Variants in BCKDHB observed in about 807,000 individuals in gnomAD.
BCKDHB encodes the protein 2-oxoisovalerate dehydrogenase subunit beta, mitochondrial.
A neutral mutation model predicts 48.5 loss-of-function variants in BCKDHB; 41 were observed. The ratio of observed to expected loss-of-function variants is 0.85; its 90% CI spans 0.66 to 1.10. BCKDHB has a LOEUF of 1.10. BCKDHB is among the 50% of genes least tolerant of loss of function. The probability of loss-of-function intolerance (pLI) is 0.00; values close to 1 mark genes in which losing one functional copy is unlikely to be tolerated. For missense variants in BCKDHB, 496 were observed against 494.2 expected (o/e 1.00, Z -0.03); for synonymous variants, 201 against 174.8 (o/e 1.15, Z -1.18).
intron 8 of BCKDHB, among the ~76,000 whole-genome samples, chr6:80,253,966 CATA>C (rs1345768927): frequency 1.3e-5 from 2 of 151,614 alleles, no homozygotes; most frequent in Non-Finnish European, 2.9e-5. Flanking sequence ...AGCAACATTT[CATA>C]ATAAATTCTG....
chr6:80,356,297 A>G, the BCKDHB span: 1 of 152,208 alleles, frequency 6.6e-6, no homozygotes, highest in African/African-American at 2.4e-5. Flanking sequence ...GGAAGAACTC[A>G]TGTCCATCAG....
intron 6 of BCKDHB, among the ~76,000 whole-genome samples, chr6:80,194,190 G>T (rs1450802099): frequency 6.6e-6 from 1 of 152,092 alleles, no homozygotes; most frequent in Non-Finnish European, 1.5e-5. Context: ...AGGGAGACTT[G>T]TTAAGGTGGG....
chr6:80,381,920 C>T, the BCKDHB span, among the ~76,000 whole-genome samples: 12 of 1,146 alleles, frequency 0.01, no homozygotes, highest in Admixed American at 0.062. Flanking sequence ...AAACCTAAAA[C>T]CTAAAACGGT....
At chr6:80,331,561 A>G (rs79918896) in intron 9 of BCKDHB, among the ~76,000 whole-genome samples, 3,229 of 152,302 alleles carry the variant, frequency 0.021, 62 homozygotes, top group Non-Finnish European at 0.033. Context: ...GGGAACTTTC[A>G]TGGCCCATCA....
At chr6:80,186,588 T>G (rs1397792156) in intron 6 of BCKDHB, among the ~76,000 whole-genome samples, 3 of 152,238 alleles carry the variant, frequency 2.0e-5, no homozygotes, top group Non-Finnish European at 2.9e-5. Flanking sequence ...AAGTTATATG[T>G]GCACTTCCCA....
chr6:80,213,050 T>A (rs1775012314), intron 8 of BCKDHB, among the ~76,000 whole-genome samples: 2 of 152,212 alleles, frequency 1.3e-5, no homozygotes, highest in African/African-American at 4.8e-5. Flanking sequence ...TGGTGCTCAA[T>A]AAATACTTGC....
chr6:80,441,838 A>G, the BCKDHB span, among the ~76,000 whole-genome samples: 1 of 152,216 alleles, frequency 6.6e-6, no homozygotes, highest in African/African-American at 2.4e-5. Context: ...ATAGGAATAA[A>G]TGCTGAAGTA....
intron 9 of BCKDHB, among the ~76,000 whole-genome samples, chr6:80,276,689 T>C (rs1777980919): frequency 6.6e-6 from 1 of 151,870 alleles, no homozygotes; most frequent in African/African-American, 2.4e-5. Flanking sequence ...CTTTTTTTTT[T>C]ATAAGCCTAT....
At chr6:80,148,901 A>T (rs1771619067) in intron 3 of BCKDHB, among the ~76,000 whole-genome samples, 1 of 152,218 alleles carries the variant, frequency 6.6e-6, no homozygotes, top group East Asian at 1.9e-4. Context: ...TTCAGGACAT[A>T]GGCATGGACA....
intron 8 of BCKDHB, among the ~76,000 whole-genome samples, chr6:80,221,787 G>A (rs1489872986): frequency 2.6e-5 from 4 of 152,050 alleles, no homozygotes; most frequent in Non-Finnish European, 4.4e-5. Flanking sequence ...ACTGAGAAAT[G>A]TATCAGCAAT....
chr6:80,432,006 T>G, the BCKDHB span, among the ~76,000 whole-genome samples: 1 of 152,236 alleles, frequency 6.6e-6, no homozygotes, highest in African/African-American at 2.4e-5. Flanking sequence ...TCTTTAAGAA[T>G]GTTGAATATT....
chr6:80,267,256 T>C (rs377504308), intron 8 of BCKDHB, among the ~76,000 whole-genome samples: 8 of 152,096 alleles, frequency 5.3e-5, no homozygotes, highest in African/African-American at 1.9e-4. Flanking sequence ...AGAGAGAGAG[T>C]TGAAGCAGAG....
intron 8 of BCKDHB, among the ~76,000 whole-genome samples, chr6:80,235,670 A>C (rs1483398371): frequency 6.6e-6 from 1 of 152,180 alleles, no homozygotes; most frequent in Non-Finnish European, 1.5e-5. Flanking sequence ...CTTAGGTTCT[A>C]TAGAAATATT....
rs142994827 is a variant in BCKDHB at position 80,212,706 on chromosome 6, T to C, written c.951+9494T>C. Among the ~76,000 whole-genome samples, 187 of 152,356 alleles carry C rather than the reference T, an allele frequency of 1.2e-3. 1 individual carries two copies. Among genetic ancestry groups the C allele is most frequent in the African/African-American group, 4.4e-3 (181 of 41,582 alleles). ...AAAGTATTATTTGGGAACTGATAAA[T>C]GTCCATGAAATCTTCACAATTTATG... On this transcript the variant is annotated intron_variant, in intron 8 of 9. Transcript: ENST00000320393.
the BCKDHB span, among the ~76,000 whole-genome samples, chr6:80,438,791 G>C: frequency 1.3e-5 from 2 of 152,178 alleles, no homozygotes; most frequent in African/African-American, 4.8e-5. Context: ...ATCTGTGTTT[G>C]TTGTATTTGA....
At chr6:80,373,391 G>T in the BCKDHB span, among the ~76,000 whole-genome samples, 2 of 152,018 alleles carry the variant, frequency 1.3e-5, no homozygotes, top group Non-Finnish European at 2.9e-5. Flanking sequence ...TCTTTTCAAA[G>T]AACCAGTTTT....
chr6:80,260,901 G>A (rs1777272463), intron 8 of BCKDHB, among the ~76,000 whole-genome samples: 1 of 152,150 alleles, frequency 6.6e-6, no homozygotes, highest in Non-Finnish European at 1.5e-5. Context: ...TGCCAAAGAT[G>A]TTTCCTTAAA....
At chr6:80,395,128 T>C in the BCKDHB span, among the ~76,000 whole-genome samples, 1 of 152,202 alleles carries the variant, frequency 6.6e-6, no homozygotes, top group East Asian at 1.9e-4. Flanking sequence ...AATGGCCTAA[T>C]ACAGTAAATT....
chr6:80,391,542 C>G, the BCKDHB span, among the ~76,000 whole-genome samples: 1 of 152,228 alleles, frequency 6.6e-6, no homozygotes, highest in Non-Finnish European at 1.5e-5. Context: ...GAAGAGGCAA[C>G]GAGTAGGTTA....
Sources: allele counts gnomAD v4.1 joint callset (sites outside exome capture counted in the v4.1 genomes callset), GRCh38; gene constraint gnomAD v4.1.1; transcripts MANE v1.5; gene names NCBI Gene and HGNC (gene_info 2026-07-23, HGNC 2026-07-21).